Variants in RPH3A observed in about 807,000 individuals in gnomAD.
RPH3A encodes rabphilin 3A, also known as rabphilin-3A.
Under a neutral mutation model 102.2 loss-of-function variants are expected in RPH3A, and 48 were observed. The observed-to-expected ratio is 0.47, with a 90% confidence interval of 0.37 to 0.60. The LOEUF is 0.60. Among genes scored for constraint, RPH3A ranks in the 20% least tolerant of loss-of-function variants. The pLI, the probability that RPH3A is intolerant of heterozygous loss-of-function variation, is 0.00. For synonymous variants in RPH3A, 310 were observed against 324.3 expected, an observed-to-expected ratio of 0.96 and a Z score of 0.47; for missense variants, 781 against 910.1, an observed-to-expected ratio of 0.86 and a Z score of 1.83.
At chr12:112,888,027 A>G (rs2043033928) in intron 17 of RPH3A, 104 bp downstream of exon 17, 5 of 1,334,406 alleles carry the variant, frequency 3.7e-6, no homozygotes, top group Non-Finnish European at 5.2e-6. Context: ...GGTATTGGGT[A>G]GCAGAGGCAC....
At chr12:112,846,881 G>T (rs910483031) in intron 4 of RPH3A, among the ~76,000 whole-genome samples, 1 of 152,192 alleles carries the variant, frequency 6.6e-6, no homozygotes, top group Non-Finnish European at 1.5e-5. Context: ...GTCTCATGGA[G>T]GGTAACTGTG....
At chr12:112,685,054 AC>A (rs1362669485) in intron 1 of RPH3A, among the ~76,000 whole-genome samples, 1 of 152,110 alleles carries the variant, frequency 6.6e-6, no homozygotes, top group Non-Finnish European at 1.5e-5. Context: ...AGCCTCGCTC[AC>A]CACCTTCAGT....
At chr12:112,844,672 A>T (rs1208584671) in intron 4 of RPH3A, among the ~76,000 whole-genome samples, 1 of 152,212 alleles carries the variant, frequency 6.6e-6, no homozygotes, top group South Asian at 2.1e-4. Context: ...GAATCCAGAC[A>T]CTGTGGGGAG....
chr12:112,836,398 T>G (rs1158163115), intron 3 of RPH3A, 93 bp from the exon 4 acceptor site: 2 of 628,488 alleles, frequency 3.2e-6, no homozygotes, highest in Admixed American at 3.6e-5. Context: ...TCAAGCTACG[T>G]GAGTGTTGCA....
intron 2 of RPH3A, among the ~76,000 whole-genome samples, chr12:112,820,048 G>A (rs2041751268): frequency 6.6e-6 from 1 of 152,182 alleles, no homozygotes; most frequent in South Asian, 2.1e-4. Flanking sequence ...AAGACATGGG[G>A]CTATTTTTTG....
intron 1 of RPH3A, among the ~76,000 whole-genome samples, chr12:112,729,510 C>A (rs549558485): frequency 6.6e-6 from 1 of 151,390 alleles, no homozygotes; most frequent in Non-Finnish European, 1.5e-5. Context: ...TTTTTTTTAT[C>A]GCAGGTGTCT....
intron 2 of RPH3A, among the ~76,000 whole-genome samples, chr12:112,801,242 G>T (rs552620291): frequency 6.6e-6 from 1 of 152,194 alleles, no homozygotes; most frequent in Non-Finnish European, 1.5e-5. Flanking sequence ...AGAACCAGCC[G>T]GACTGGGCTT....
intron 1 of RPH3A, among the ~76,000 whole-genome samples, chr12:112,576,271 G>A (rs916977919): frequency 1.1e-4 from 16 of 152,206 alleles, no homozygotes; most frequent in Admixed American, 1.0e-3. Flanking sequence ...TGTGGGGGTC[G>A]CCAGGAGCGC....
rs544459053 is a variant in RPH3A, at chr12:112,894,971, G to A, written c.1857+312G>A. On this transcript the variant is annotated intron_variant, in intron 20 of 21. Coordinates refer to ENST00000389385, the MANE Select transcript of RPH3A (RefSeq NM_001143854.2). ...TATTCTTGGGTAGTTGGATTACCGG[G>A]AATTGGGGGTGGGGGTTCTTCTTTG... Among the ~76,000 whole-genome samples, 5 of 152,182 alleles carry A rather than the reference G, an allele frequency of 3.3e-5. No homozygotes were observed. The East Asian group carries it at 7.7e-4, about 23-fold the overall frequency.
intron 1 of RPH3A, among the ~76,000 whole-genome samples, chr12:112,621,961 A>C (rs1457811136): frequency 1.3e-5 from 2 of 150,708 alleles, no homozygotes; most frequent in African/African-American, 2.4e-5. Context: ...GACACCTCAC[A>C]CGGCAGGGTA....
intron 2 of RPH3A, among the ~76,000 whole-genome samples, chr12:112,821,569 T>C (rs2041780369): frequency 6.6e-6 from 1 of 152,250 alleles, no homozygotes; most frequent in Non-Finnish European, 1.5e-5. Context: ...CAGATGGCCA[T>C]GTGGCTCAGT....
At chr12:112,666,551 T>G (rs759685866) in intron 1 of RPH3A, among the ~76,000 whole-genome samples, 1 of 152,130 alleles carries the variant, frequency 6.6e-6, no homozygotes, top group Non-Finnish European at 1.5e-5. Context: ...CCCTTCACAC[T>G]TGGAACCTGG....
chr12:112,783,299 T>G (rs1239741228), intron 1 of RPH3A, among the ~76,000 whole-genome samples: 1 of 152,110 alleles, frequency 6.6e-6, no homozygotes, highest in African/African-American at 2.4e-5. Flanking sequence ...AGAGACTGGT[T>G]ACATGGCATT....
intron 1 of RPH3A, among the ~76,000 whole-genome samples, chr12:112,748,374 C>A (rs1565869009): frequency 1.3e-5 from 2 of 152,136 alleles, no homozygotes; most frequent in African/African-American, 4.8e-5. Context: ...TACTCTCTTG[C>A]CCAGGTGGAA....
intron 1 of RPH3A, among the ~76,000 whole-genome samples, chr12:112,776,592 C>T (rs946311500): frequency 2.6e-5 from 4 of 151,902 alleles, no homozygotes; most frequent in South Asian, 2.1e-4. Context: ...AGTGCAAAGC[C>T]GGCTGGGCAC....
intron 14 of RPH3A, 149 bp downstream of exon 14, chr12:112,879,347 C>A: frequency 2.7e-6 from 2 of 731,798 alleles, no homozygotes; most frequent in Non-Finnish European, 4.4e-6. Flanking sequence ...AGTAATTAGG[C>A]AAATTCCTTT....
chr12:112,861,038 C>A (rs966342127), intron 5 of RPH3A, among the ~76,000 whole-genome samples: 3 of 152,104 alleles, frequency 2.0e-5, no homozygotes, highest in Admixed American at 6.5e-5. Flanking sequence ...AAATCTAATT[C>A]AACAGTCCAA....
chr12:112,871,947 A>G (rs944689254), intron 10 of RPH3A, among the ~76,000 whole-genome samples: 8 of 151,354 alleles, frequency 5.3e-5, no homozygotes, highest in African/African-American at 1.9e-4. Context: ...TTATCCATTC[A>G]CCCATCAGTG....
rs535320498 is a variant in RPH3A, at chr12:112,879,017, T to TCTC, written c.1172-101_1172-99dup. 1,115 of 1,025,858 alleles carry TCTC rather than the reference T, an allele frequency of 1.1e-3. 7 individuals carry two copies. The African/African-American group carries it at 0.016, about 14-fold the overall frequency. 63.5% of individuals were successfully genotyped at this position (1,025,858 alleles called of 1,614,324 possible). ...AACCGAGTTTTCTTCTCTTCTGTGG[T>TCTC]CTCAATTCACAGCCCAGCCTGGGCA... On this transcript the variant is annotated intron_variant, in intron 13 of 21. Transcript: ENST00000389385.
Sources: gnomAD v4.1 joint callset for allele counts (sites outside exome capture counted in the v4.1 genomes callset) on GRCh38, gnomAD v4.1.1 for gene constraint, MANE v1.5 for transcripts, NCBI Gene and HGNC (gene_info 2026-07-23, HGNC 2026-07-21) for gene names.